Variants in RB1CC1 observed in about 807,000 individuals in gnomAD.
RB1CC1 encodes the protein RB1 inducible coiled-coil 1.
Under a neutral mutation model 177.5 loss-of-function variants are expected in RB1CC1, and 46 were observed. The ratio of observed to expected loss-of-function variants is 0.26; its 90% CI spans 0.20 to 0.33. The LOEUF (loss-of-function observed/expected upper bound fraction) is 0.33. Ranked by LOEUF, RB1CC1 falls within the 10% of genes least tolerant of loss-of-function variation. RB1CC1 has a pLI of 1.00. For missense variants in RB1CC1, 1,703 were observed against 1,816.3 expected (o/e 0.94, Z 1.13); for synonymous variants, 666 against 613.6 (o/e 1.09, Z -1.26).
In RB1CC1 at chr8:52,645,802, T is replaced by C. The variant is rs1178061779; in HGVS notation, c.3887A>G (p.Gln1296Arg). 6 of 1,610,802 alleles carry C rather than the reference T, an allele frequency of 3.7e-6. No individual in the cohort carries two copies. Among genetic ancestry groups the C allele is most frequent in the Non-Finnish European group, 5.1e-6 (6 of 1,179,112 alleles). Residue 1296 changes from glutamine to arginine, a missense_variant, in exon 16 of 24, where the codon CAG becomes CGG. Transcript: ENST00000025008. ...SLVAELQEKL[Q>R]EEKAKFLEQL... ...TTCTAGAAACTTAGCTTTTTCTTCC[T>C]GAAGCTTTTCTTGAAGTTCAGCAAC...
At chr8:52,707,594 T>G (rs1295130953) in intron 1 of RB1CC1, among the ~76,000 whole-genome samples, 2 of 152,114 alleles carry the variant, frequency 1.3e-5, no homozygotes, top group Non-Finnish European at 2.9e-5. Context: ...TCTCTGTCTT[T>G]AAATCTCTAT....
At position 52,636,079 on chromosome 8, in the gene RB1CC1, A is replaced by G. The variant is rs763804839; in HGVS notation, c.4338-10T>C. On this transcript the variant is annotated splice_polypyrimidine_tract_variant and intron_variant, in intron 18 of 23. Coordinates refer to ENST00000025008, the MANE Select transcript of RB1CC1 (RefSeq NM_014781.5). ...CATATGAATATTTTCTCTAAAAGTG[A>G]GAATAATTGAGTTTCAGTTTGAAAT... The G allele has an allele frequency of 6.9e-6, 11 of 1,599,316 alleles. No individual in the cohort carries two copies. In the South Asian group the frequency reaches 1.1e-4, roughly 16 times the overall value.
At chr8:52,700,415 G>A (rs903953730) in intron 1 of RB1CC1, among the ~76,000 whole-genome samples, 1 of 151,746 alleles carries the variant, frequency 6.6e-6, no homozygotes, top group African/African-American at 2.4e-5. Context: ...CCCAGTTATG[G>A]GGGGGTGGGG....
At chr8:52,711,521 C>T (rs1857060806) in intron 1 of RB1CC1, among the ~76,000 whole-genome samples, 1 of 152,204 alleles carries the variant, frequency 6.6e-6, no homozygotes, top group Non-Finnish European at 1.5e-5. Flanking sequence ...AGTGGTTACC[C>T]ATTTCCTATA....
At chr8:52,667,735 A>G (rs1852197471) in intron 8 of RB1CC1, among the ~76,000 whole-genome samples, 1 of 152,208 alleles carries the variant, frequency 6.6e-6, no homozygotes. Flanking sequence ...AGTAGGAAGC[A>G]TTGAAATTTT....
intron 22 of RB1CC1, among the ~76,000 whole-genome samples, chr8:52,627,757 C>G (rs946370577): frequency 2.0e-5 from 3 of 152,036 alleles, no homozygotes; most frequent in Admixed American, 1.3e-4. Context: ...AGAACTTTGA[C>G]AATATAATTA....
At chr8:52,680,837 A>G (rs547697188) in intron 5 of RB1CC1, among the ~76,000 whole-genome samples, 1 of 152,296 alleles carries the variant, frequency 6.6e-6, no homozygotes, top group African/African-American at 2.4e-5. Context: ...TTACATTCAA[A>G]AAGAGACCAA....
In RB1CC1 at chr8:52,708,343, C is replaced by T. The variant is rs184886010; in HGVS notation, c.-167+5732G>A. On this transcript the variant is annotated intron_variant, in intron 1 of 23. Transcript: ENST00000025008. Reference sequence around the variant, plus strand: ...CATCCTGGCTAACACAGTGAAACCCCGTCTCTGCTAAAAATACAAAAAAAT... The same window carrying T: ...CATCCTGGCTAACACAGTGAAACCCTGTCTCTGCTAAAAATACAAAAAAAT... 2.6e-3 allele frequency among the ~76,000 whole-genome samples: 401 copies of T among 152,218 alleles called. 2 individuals are homozygous for T. Among genetic ancestry groups the T allele is most frequent in the Non-Finnish European group, 4.2e-3 (284 of 68,018 alleles).
rs540455064 is a variant in RB1CC1 at position 52,633,502 on chromosome 8, A to G, written c.4440+1419T>C. ...TGATAAAATTAATGATTCACAGTAT[A>G]ATCACTACAAAATATGTGATTTTTG... is the stretch of plus-strand genomic sequence containing the variant. On this transcript the variant is annotated intron_variant, in intron 20 of 23. Coordinates refer to ENST00000025008, the MANE Select transcript of RB1CC1 (RefSeq NM_014781.5). 9.2e-5 allele frequency among the ~76,000 whole-genome samples: 14 copies of G among 152,332 alleles called. No homozygotes were observed. The South Asian group carries it at 2.7e-3, about 29-fold the overall frequency.
intron 1 of RB1CC1, 44 bp downstream of exon 1, chr8:52,714,031 T>A: frequency 3.0e-6 from 1 of 334,498 alleles, no homozygotes; most frequent in South Asian, 2.1e-5. Context: ...GCGCGACCGC[T>A]GTGCCAGATG....
At position 52,674,201 on chromosome 8, in the gene RB1CC1, A is replaced by T; in HGVS notation, c.646T>A (p.Cys216Ser). ...GGTAAAGAATCCAGTCTTCCCAAACATTCTCTGTAACTATGTCTGGTTAGG... is the reference window on the plus strand; with the variant it reads ...GGTAAAGAATCCAGTCTTCCCAAACTTTCTCTGTAACTATGTCTGGTTAGG... ...ECLTRHSYRE[C>S]LGRLDSLPEH... is the part of the protein sequence containing the mutation. The change falls in exon 7 of 24, where the codon TGT (cysteine) becomes AGT (serine). Residue 216 changes from cysteine to serine, a missense_variant. By Grantham distance (112) the Cys-to-Ser change is moderately radical. Coordinates refer to ENST00000025008, the MANE Select transcript of RB1CC1 (RefSeq NM_014781.5). The T allele has an allele frequency of 6.2e-7, 1 of 1,612,816 alleles. No individual in the cohort carries two copies. Among genetic ancestry groups the T allele is most frequent in the Non-Finnish European group, 8.5e-7 (1 of 1,178,804 alleles).
chr8:52,653,598 T>C (rs990280655), intron 15 of RB1CC1, among the ~76,000 whole-genome samples: 1 of 152,080 alleles, frequency 6.6e-6, no homozygotes, highest in African/African-American at 2.4e-5. Flanking sequence ...TGTGGTCCAC[T>C]AGGAGGAGGA....
At chr8:52,672,400 C>T (rs927510303) in intron 7 of RB1CC1, among the ~76,000 whole-genome samples, 2 of 152,076 alleles carry the variant, frequency 1.3e-5, no homozygotes, top group African/African-American at 2.4e-5. Context: ...ATTTCAGGTT[C>T]GCTTCATATA....
At position 52,625,530 on chromosome 8, in the gene RB1CC1, C is replaced by A. The variant is rs138331474; in HGVS notation, c.4637-743G>T. Among the ~76,000 whole-genome samples, 5 of 152,142 alleles carry A rather than the reference C, an allele frequency of 3.3e-5. No individual in the cohort carries two copies. The South Asian group carries it at 1.0e-3, about 31-fold the overall frequency. On this transcript the variant is annotated intron_variant, in intron 22 of 23. Coordinates refer to ENST00000025008, the MANE Select transcript of RB1CC1 (RefSeq NM_014781.5). ...GTATTCAGGCAATAAACTACAGATG[C>A]CTTTCAACTTATGATAAGGTTATGT...
At chr8:52,637,551 T>A (rs1268901909) in intron 18 of RB1CC1, among the ~76,000 whole-genome samples, 2 of 152,190 alleles carry the variant, frequency 1.3e-5, no homozygotes, top group Non-Finnish European at 2.9e-5. Context: ...ATTACTGAAC[T>A]AGTTTGTTAA....
intron 7 of RB1CC1, among the ~76,000 whole-genome samples, chr8:52,673,188 G>A (rs995440620): frequency 6.6e-6 from 1 of 152,168 alleles, no homozygotes; most frequent in Non-Finnish European, 1.5e-5. Context: ...GACAACAGCA[G>A]CCTTCACAAC....
chr8:52,690,421 G>A (rs1019323001), intron 1 of RB1CC1, among the ~76,000 whole-genome samples: 3 of 152,180 alleles, frequency 2.0e-5, no homozygotes, highest in Non-Finnish European at 4.4e-5. Context: ...CAGTCTTGAA[G>A]GAGAAAGCAG....
chr8:52,701,066 G>C (rs1202717402), intron 1 of RB1CC1, among the ~76,000 whole-genome samples: 1 of 152,000 alleles, frequency 6.6e-6, no homozygotes, highest in Non-Finnish European at 1.5e-5. Context: ...AGACATAACT[G>C]GTCTCTTTCT....
intron 1 of RB1CC1, among the ~76,000 whole-genome samples, chr8:52,688,637 C>T (rs1452824328): frequency 6.6e-6 from 1 of 152,124 alleles, no homozygotes; most frequent in Non-Finnish European, 1.5e-5. Flanking sequence ...TTGTCCTGTT[C>T]CCTCAGAAGC....
Sources: allele counts gnomAD v4.1 joint callset (sites outside exome capture counted in the v4.1 genomes callset), GRCh38; gene constraint gnomAD v4.1.1; transcripts MANE v1.5; gene names NCBI Gene and HGNC (gene_info 2026-07-23, HGNC 2026-07-21).